The following CHIC1 variants were observed in gnomAD, a reference collection of about 807,000 sequenced individuals.
CHIC1 encodes cysteine rich hydrophobic domain 1, also known as cysteine-rich hydrophobic domain-containing protein 1.
CHIC1 carries 7 observed loss-of-function variants against 18.5 expected under a neutral mutation model. That is an observed-to-expected ratio of 0.38 (90% CI 0.22 to 0.71). CHIC1 has a LOEUF of 0.71. Ranked by LOEUF, CHIC1 falls within the 30% of genes least tolerant of loss-of-function variation. The probability of loss-of-function intolerance (pLI) is 0.49; values close to 1 mark genes in which losing one functional copy is unlikely to be tolerated. For synonymous variants in CHIC1, 77 were observed against 73.5 expected (o/e 1.05, Z -0.25); for missense variants, 159 against 176.9 (o/e 0.90, Z 0.57).
At chrX:73,680,856 T>C (rs2058095628) in intron 5 of CHIC1, 99 bp from the exon 6 acceptor site, 1 of 451,367 alleles carries the variant, frequency 2.2e-6, no homozygotes, top group African/African-American at 2.5e-5. Flanking sequence ...AGGATTGAAA[T>C]ATTGTCCTAT....
Position 73,675,986 on chromosome X carries a change from T to G in CHIC1, c.508-3340T>G, listed in dbSNP as rs1440791255. 2.7e-5 allele frequency among the ~76,000 whole-genome samples: 3 copies of G among 111,240 alleles called. No homozygotes were observed. The South Asian group carries it at 1.2e-3, about 43-fold the overall frequency. ...TAAAGGATTTTATTTCTCCTTCACT[T>G]ATGAAGCTCAGTTTGGCTAGATATG... On this transcript the variant is annotated intron_variant, in intron 3 of 5. Coordinates refer to ENST00000373502, the MANE Select transcript of CHIC1 (RefSeq NM_001039840.4).
intron 3 of CHIC1, among the ~76,000 whole-genome samples, chrX:73,597,473 T>G (rs2057615550): frequency 9.1e-6 from 1 of 109,579 alleles, no homozygotes; most frequent in Admixed American, 9.9e-5. Flanking sequence ...TGCACAAAAT[T>G]GTTGATTTTT....
At chrX:73,579,764 G>T (rs1305602874) in intron 2 of CHIC1, among the ~76,000 whole-genome samples, 1 of 110,236 alleles carries the variant, frequency 9.1e-6, no homozygotes. Flanking sequence ...AATTGAAGCG[G>T]CAGCCTATAC....
chrX:73,575,387 C>A (rs1472806742), intron 1 of CHIC1, among the ~76,000 whole-genome samples: 1 of 109,830 alleles, frequency 9.1e-6, no homozygotes, highest in African/African-American at 3.3e-5. Flanking sequence ...AATGGGGATA[C>A]CTCCTGAGAA....
At chrX:73,564,003 C>T (rs2057432338) in intron 1 of CHIC1, among the ~76,000 whole-genome samples, 3 of 112,136 alleles carry the variant, frequency 2.7e-5, no homozygotes, top group African/African-American at 9.7e-5. Context: ...TTCTTCAAAA[C>T]AGAAACATGA....
intron 3 of CHIC1, among the ~76,000 whole-genome samples, chrX:73,651,324 AG>A (rs2057915197): frequency 9.0e-6 from 1 of 111,350 alleles, no homozygotes; most frequent in Non-Finnish European, 1.9e-5. Context: ...GCACAAGACA[AG>A]GATGCCCTCT....
At chrX:73,668,398 C>T (rs1380927650) in intron 3 of CHIC1, among the ~76,000 whole-genome samples, 1 of 112,095 alleles carries the variant, frequency 8.9e-6, no homozygotes, top group African/African-American at 3.2e-5. Context: ...GTTCTGAGCC[C>T]TTGCTGGAGA....
chrX:73,619,523 T>G lies in CHIC1; in HGVS notation c.507+34951T>G, dbSNP rs191141936. Reference sequence around the variant, plus strand: ...AAAGTGATTTTCCCTACTGCTGTTCTTTAATGTCTAGCTTCTTTTTGTTAT... The same window carrying G: ...AAAGTGATTTTCCCTACTGCTGTTCGTTAATGTCTAGCTTCTTTTTGTTAT... On this transcript the variant is annotated intron_variant, in intron 3 of 5. Transcript: ENST00000373502. Among the ~76,000 whole-genome samples the G allele has an allele frequency of 4.5e-5, 5 of 111,529 alleles. No individual in the cohort carries two copies. The East Asian group carries it at 1.4e-3, about 31-fold the overall frequency.
intron 3 of CHIC1, among the ~76,000 whole-genome samples, chrX:73,585,377 A>G (rs2057547919): frequency 9.0e-6 from 1 of 111,278 alleles, no homozygotes; most frequent in Admixed American, 9.6e-5. Context: ...AAGACAAATA[A>G]TGAAATATTG....
chrX:73,608,522 A>G (rs1035487589), intron 3 of CHIC1, among the ~76,000 whole-genome samples: 2 of 108,481 alleles, frequency 1.8e-5, no homozygotes, highest in Admixed American at 9.7e-5. Context: ...AAGTCTTCCA[A>G]TCCATAAGAG....
chrX:73,649,713 A>G (rs188491369), intron 3 of CHIC1, among the ~76,000 whole-genome samples: 62 of 112,125 alleles, frequency 5.5e-4, no homozygotes, highest in African/African-American at 1.8e-3. Context: ...ACCTACAAAG[A>G]GACTTAGACT....
At chrX:73,603,426 T>C (rs774816639) in intron 3 of CHIC1, among the ~76,000 whole-genome samples, 5 of 108,425 alleles carry the variant, frequency 4.6e-5, no homozygotes, top group Non-Finnish European at 9.4e-5. Flanking sequence ...TTTTTAAATA[T>C]ACAATCGTGT....
intron 3 of CHIC1, among the ~76,000 whole-genome samples, chrX:73,657,863 A>G (rs775478197): frequency 1.8e-5 from 2 of 111,412 alleles, no homozygotes; most frequent in East Asian, 5.6e-4. Flanking sequence ...TTTTTTGTCT[A>G]TTGAGATAAT....
intron 3 of CHIC1, among the ~76,000 whole-genome samples, chrX:73,668,573 T>C (rs781057648): frequency 8.9e-6 from 1 of 112,076 alleles, no homozygotes; most frequent in South Asian, 3.7e-4. Flanking sequence ...TCTCTGTTTT[T>C]CTTCTGACAG....
intron 3 of CHIC1, among the ~76,000 whole-genome samples, chrX:73,656,484 A>T (rs1339880949): frequency 8.9e-6 from 1 of 111,811 alleles, no homozygotes. Context: ...TATATATGGT[A>T]TAAGGAAGAG....
rs181838089 is a variant in CHIC1, at chrX:73,660,728, G to A, written c.508-18598G>A. On this transcript the variant is annotated intron_variant, in intron 3 of 5. Coordinates refer to ENST00000373502, the MANE Select transcript of CHIC1 (RefSeq NM_001039840.4). ...TGGTACCGGGTTGGGTCCTAGCCAC[G>A]CCATGGTATGGTTTGATGCATCGTG... 3.2e-3 allele frequency among the ~76,000 whole-genome samples: 354 copies of A among 110,981 alleles called. 2 individuals carry two copies. Among genetic ancestry groups the A allele is most frequent in the South Asian group, 6.2e-3 (16 of 2,587 alleles).
intron 1 of CHIC1, among the ~76,000 whole-genome samples, chrX:73,571,249 T>C (rs2057469535): frequency 9.0e-6 from 1 of 110,639 alleles, no homozygotes; most frequent in Non-Finnish European, 1.9e-5. Context: ...GGTAGGAACA[T>C]GTTACTGTTG....
intron 2 of CHIC1, among the ~76,000 whole-genome samples, chrX:73,579,279 G>A (rs1331413796): frequency 9.1e-6 from 1 of 109,988 alleles, no homozygotes; most frequent in African/African-American, 3.3e-5. Context: ...AAATAGAGAT[G>A]ATGCTGATAG....
intron 3 of CHIC1, among the ~76,000 whole-genome samples, chrX:73,647,297 TTAAC>T (rs2057894124): frequency 8.9e-6 from 1 of 112,229 alleles, no homozygotes; most frequent in Non-Finnish European, 1.9e-5. Context: ...TAGTTAGAAC[TTAAC>T]TAGAGTTCAG....
Sources: allele counts gnomAD v4.1 joint callset (sites outside exome capture counted in the v4.1 genomes callset), GRCh38; gene constraint gnomAD v4.1.1; transcripts MANE v1.5; gene names NCBI Gene and HGNC (gene_info 2026-07-23, HGNC 2026-07-21).